Variants in DSCAML1 observed in about 807,000 individuals in gnomAD.
DSCAML1 encodes DS cell adhesion molecule like 1.
A neutral mutation model predicts 200.5 loss-of-function variants in DSCAML1; 38 were observed. The ratio of observed to expected loss-of-function variants is 0.19; its 90% CI spans 0.15 to 0.25. The LOEUF (loss-of-function observed/expected upper bound fraction) is 0.25, where lower values mean the gene tolerates loss of function less well. Among genes scored for constraint, DSCAML1 ranks in the 10% least tolerant of loss-of-function variants. The pLI is 1.00. For synonymous variants in DSCAML1, 1,215 were observed against 1,165.0 expected (o/e 1.04, Z -0.87); for missense variants, 2,223 against 2,858.8 (o/e 0.78, Z 5.07).
At chr11:117,662,897 G>T (rs1325560228) in intron 3 of DSCAML1, among the ~76,000 whole-genome samples, 15 of 152,186 alleles carry the variant, frequency 9.9e-5, no homozygotes, top group Admixed American at 9.8e-4. Flanking sequence ...CTCCCCAGAT[G>T]ATTCCCAAGC....
At chr11:117,471,375 T>C (rs1205166141) in intron 15 of DSCAML1, among the ~76,000 whole-genome samples, 1 of 152,210 alleles carries the variant, frequency 6.6e-6, no homozygotes, top group Admixed American at 6.5e-5. Context: ...TTTCACCAAG[T>C]TGGCCAGGCT....
chr11:117,562,444 T>C (rs2137417852), intron 3 of DSCAML1, among the ~76,000 whole-genome samples: 1 of 152,350 alleles, frequency 6.6e-6, no homozygotes, highest in African/African-American at 2.4e-5. Context: ...ATTTCTTGCT[T>C]CCAGCTCCCA....
intron 11 of DSCAML1, among the ~76,000 whole-genome samples, chr11:117,502,951 C>T (rs996914840): frequency 5.9e-5 from 9 of 152,064 alleles, no homozygotes; most frequent in African/African-American, 1.2e-4. Context: ...CATACTTGGC[C>T]GGGTCAGACG....
rs1358745206 is a variant in DSCAML1 at position 117,503,529 on chromosome 11, A to G, written c.2359+316T>C. Among the ~76,000 whole-genome samples, 2 of 152,218 alleles carry G rather than the reference A, an allele frequency of 1.3e-5. No individual in the cohort carries two copies. The highest frequency in any genetic ancestry group is 2.9e-5 in the Non-Finnish European group (2 of 68,052). On this transcript the variant is annotated intron_variant, in intron 11 of 32. Transcript: ENST00000651296. This position sits in a 1 kb window ranked among gnomAD's most constrained non-coding sequence, Gnocchi z 5.2. ...TAGCAAAAATAAATGGTTTGATAGG[A>G]TTATTCAGATCGAATCGCCAATCTA...
chr11:117,767,174 G>A (rs1485166058), intron 3 of DSCAML1, among the ~76,000 whole-genome samples: 1 of 152,096 alleles, frequency 6.6e-6, no homozygotes, highest in African/African-American at 2.4e-5. Flanking sequence ...ATGGAGAAGT[G>A]GCCCAAGTTA....
At chr11:117,443,272 G>A (rs1399866014) in intron 21 of DSCAML1, among the ~76,000 whole-genome samples, 4 of 152,204 alleles carry the variant, frequency 2.6e-5, no homozygotes, top group Non-Finnish European at 5.9e-5. Flanking sequence ...CCCTTGGGAT[G>A]AGGCCTTGGA....
intron 3 of DSCAML1, among the ~76,000 whole-genome samples, chr11:117,640,356 G>A (rs1055842093): frequency 6.6e-6 from 1 of 152,176 alleles, no homozygotes; most frequent in Non-Finnish European, 1.5e-5. Context: ...TATGTGACCT[G>A]CTTTCATCCT....
Position 117,525,147 on chromosome 11 carries a change from A to T in DSCAML1, c.659-64T>A, listed in dbSNP as rs1327647759. ...GGGTGGGATGAAGTGGCGCTGGGGG[A>T]GGGAAGGCAAGCACCCAGACAGGAG... is the stretch of plus-strand genomic sequence containing the variant. On this transcript the variant is annotated intron_variant, in intron 4 of 32. Transcript: ENST00000651296. The T allele has an allele frequency of 4.9e-5, 71 of 1,459,828 alleles. No homozygotes were observed. The East Asian group carries it at 1.8e-3, about 37-fold the overall frequency. 90.4% of individuals were successfully genotyped at this position (1,459,828 alleles called of 1,614,324 possible). A position where few individuals can be genotyped will look rare whatever the true frequency, so the allele number is the denominator to read the frequency against.
chr11:117,786,253 T>C (rs1037011499), intron 1 of DSCAML1, among the ~76,000 whole-genome samples: 1 of 152,274 alleles, frequency 6.6e-6, no homozygotes, highest in Non-Finnish European at 1.5e-5. Context: ...ATGGAAGTTA[T>C]GGGCTTGGTT....
intron 5 of DSCAML1, among the ~76,000 whole-genome samples, chr11:117,524,263 C>G (rs540740649): frequency 6.6e-6 from 1 of 152,348 alleles, no homozygotes; most frequent in Admixed American, 6.5e-5. Context: ...CTGGAAGGTC[C>G]TGGCAGAGAT....
Position 117,505,811 on chromosome 11 carries a change from C to T in DSCAML1, c.1784-79G>A, listed in dbSNP as rs1803322502. On this transcript the variant is annotated intron_variant, in intron 8 of 32. Transcript: ENST00000651296. This position sits in a 1 kb window ranked among gnomAD's most constrained non-coding sequence, Gnocchi z 6.7. Reference sequence around the variant, plus strand: ...GCCAACGCCGCCTCACCTGCCTTACCTGGGGCTCTGGGTTGGGCCTTGAAC... The same window carrying T: ...GCCAACGCCGCCTCACCTGCCTTACTTGGGGCTCTGGGTTGGGCCTTGAAC... The T allele has an allele frequency of 6.6e-7, 1 of 1,509,038 alleles. No homozygotes were observed. The highest frequency in any genetic ancestry group is 8.9e-7 in the Non-Finnish European group (1 of 1,127,416). 93.5% of individuals were successfully genotyped at this position (1,509,038 alleles called of 1,614,324 possible).
At chr11:117,485,349 G>C (rs2049024910) in intron 11 of DSCAML1, among the ~76,000 whole-genome samples, 1 of 152,188 alleles carries the variant, frequency 6.6e-6, no homozygotes, top group South Asian at 2.1e-4. Context: ...CCTGAGACAG[G>C]GTCCCTTCAC....
intron 4 of DSCAML1, among the ~76,000 whole-genome samples, chr11:117,531,546 C>T (rs749253793): frequency 6.6e-6 from 1 of 152,050 alleles, no homozygotes; most frequent in Non-Finnish European, 1.5e-5. Context: ...TCAAATGTTG[C>T]GAGGTGGCCT....
intron 3 of DSCAML1, among the ~76,000 whole-genome samples, chr11:117,735,963 T>G (rs574735200): frequency 1.1e-4 from 17 of 152,346 alleles, no homozygotes; most frequent in Admixed American, 7.2e-4. Flanking sequence ...ATCTCAGCAC[T>G]GCTTCTCAGA....
intron 3 of DSCAML1, among the ~76,000 whole-genome samples, chr11:117,772,976 A>G (rs2055066943): frequency 6.6e-6 from 1 of 152,194 alleles, no homozygotes; most frequent in South Asian, 2.1e-4. Flanking sequence ...GTAGGTGGCT[A>G]AAGGGTAGCA....
chr11:117,796,064 G>C (rs955832001), intron 1 of DSCAML1, among the ~76,000 whole-genome samples: 1 of 152,228 alleles, frequency 6.6e-6, no homozygotes, highest in African/African-American at 2.4e-5. Flanking sequence ...CGTCCTCTGC[G>C]ATAGCCTGGA....
intron 1 of DSCAML1, among the ~76,000 whole-genome samples, chr11:117,794,048 T>C (rs2055528406): frequency 6.9e-6 from 1 of 145,782 alleles, no homozygotes; most frequent in Admixed American, 6.8e-5. Flanking sequence ...CCCCCCTTTT[T>C]TTAATTAGAC....
At chr11:117,712,135 T>A (rs922223870) in intron 3 of DSCAML1, among the ~76,000 whole-genome samples, 1 of 152,194 alleles carries the variant, frequency 6.6e-6, no homozygotes, top group Non-Finnish European at 1.5e-5. Flanking sequence ...TTAAACACGT[T>A]GCACTGAAAT....
At chr11:117,559,174 A>G (rs887236101) in intron 3 of DSCAML1, among the ~76,000 whole-genome samples, 21 of 152,204 alleles carry the variant, frequency 1.4e-4, no homozygotes, top group African/African-American at 5.1e-4. Flanking sequence ...CAGAGATAAC[A>G]TCTTAATATT....
Sources: allele counts gnomAD v4.1 joint callset (sites outside exome capture counted in the v4.1 genomes callset), GRCh38; gene constraint gnomAD v4.1.1; non-coding constraint Gnocchi (gnomAD v3.1); transcripts MANE v1.5; gene names NCBI Gene and HGNC (gene_info 2026-07-23, HGNC 2026-07-21).